The following RCOR1 variants were observed in gnomAD, a reference collection of about 807,000 sequenced individuals.
The protein encoded by RCOR1 is REST corepressor 1.
Under a neutral mutation model 64.0 loss-of-function variants are expected in RCOR1, and 12 were observed. The observed-to-expected ratio is 0.19, with a 90% CI of 0.12 to 0.30. RCOR1 has a LOEUF of 0.30. Ranked by LOEUF, RCOR1 falls within the 10% of genes least tolerant of loss-of-function variation. The pLI is 1.00. For missense variants in RCOR1, 502 were observed against 621.2 expected (o/e 0.81, Z 2.04); for synonymous variants, 279 against 227.2 (o/e 1.23, Z -2.05).
chr14:102,676,644 A>C (rs1368910038), intron 2 of RCOR1, among the ~76,000 whole-genome samples: 19 of 66,616 alleles, frequency 2.9e-4, no homozygotes, highest in Admixed American at 1.1e-3. Flanking sequence ...TGATCCCCCC[A>C]CCTCCCTCCC....
intron 2 of RCOR1, among the ~76,000 whole-genome samples, chr14:102,644,970 G>A (rs1894450636): frequency 1.3e-5 from 2 of 152,078 alleles, no homozygotes; most frequent in South Asian, 4.1e-4. Context: ...CTTAGCCTTT[G>A]TGCTTTCGGT....
At chr14:102,655,526 A>G (rs1161221500) in intron 2 of RCOR1, 12 of 965,676 alleles carry the variant, frequency 1.2e-5, no homozygotes, top group Non-Finnish European at 1.5e-5. Flanking sequence ...GTATCTATTA[A>G]TAGTTCAGAA....
chr14:102,698,241 A>AT (rs1467180866), intron 3 of RCOR1, among the ~76,000 whole-genome samples: 1 of 152,220 alleles, frequency 6.6e-6, no homozygotes, highest in Admixed American at 6.5e-5. Flanking sequence ...GTGTCTTAAA[A>AT]TTTGTAGCTA....
intron 2 of RCOR1, among the ~76,000 whole-genome samples, chr14:102,601,575 A>G (rs1213977743): frequency 6.6e-6 from 1 of 152,204 alleles, no homozygotes; most frequent in Non-Finnish European, 1.5e-5. Context: ...AAGAGAGGGA[A>G]GGAATGATGA....
At chr14:102,707,790 C>T (rs901706077) in intron 5 of RCOR1, among the ~76,000 whole-genome samples, 2 of 133,740 alleles carry the variant, frequency 1.5e-5, no homozygotes, top group Admixed American at 7.7e-5. Context: ...TAGACCCATA[C>T]GAAGGACTTT....
Position 102,688,839 on chromosome 14 carries a change from C to T in RCOR1, c.445+6861C>T, listed in dbSNP as rs558382200. 3.9e-5 allele frequency among the ~76,000 whole-genome samples: 6 copies of T among 152,274 alleles called. No individual in the cohort carries two copies. The South Asian group carries it at 1.2e-3, about 32-fold the overall frequency. On this transcript the variant is annotated intron_variant, in intron 3 of 11. Transcript: ENST00000262241. ...CCCCACTGTGATATTGTGCAGCCAC[C>T]CTTTGCATGGATTCCACACCCTACC...
intron 3 of RCOR1, among the ~76,000 whole-genome samples, chr14:102,688,241 T>C (rs572596878): frequency 6.6e-5 from 10 of 152,296 alleles, no homozygotes; most frequent in Admixed American, 2.0e-4. Flanking sequence ...GTTGGAATTA[T>C]AGGCGTGAGC....
intron 2 of RCOR1, among the ~76,000 whole-genome samples, chr14:102,631,883 C>G (rs759384399): frequency 1.1e-4 from 17 of 151,456 alleles, no homozygotes; most frequent in Admixed American, 8.6e-4. Context: ...TCACTGCAAC[C>G]TCTGCCTCCA....
At chr14:102,705,597 C>T (rs932878571) in intron 4 of RCOR1, among the ~76,000 whole-genome samples, 4 of 152,154 alleles carry the variant, frequency 2.6e-5, no homozygotes, top group African/African-American at 9.6e-5. Context: ...TACAGGCGCG[C>T]ACCACCATGC....
At chr14:102,599,807 TG>T (rs60527829) in intron 2 of RCOR1, among the ~76,000 whole-genome samples, 92,648 of 144,474 alleles carry the variant, frequency 0.64, 30,301 homozygotes, top group South Asian at 0.71. Context: ...TGTTTTGTTT[TG>T]TTTTTTTTTT....
At chr14:102,639,382 A>T (rs745500480) in intron 2 of RCOR1, among the ~76,000 whole-genome samples, 4 of 150,046 alleles carry the variant, frequency 2.7e-5, no homozygotes, top group Admixed American at 6.7e-5. Flanking sequence ...CTCCTACCTC[A>T]GCCTTCTCCT....
intron 2 of RCOR1, among the ~76,000 whole-genome samples, chr14:102,630,322 A>G (rs750296291): frequency 2.8e-4 from 43 of 152,274 alleles, no homozygotes; most frequent in East Asian, 1.9e-4. Context: ...AAGCAGCCTG[A>G]GGCTTTCACC....
intron 11 of RCOR1, among the ~76,000 whole-genome samples, chr14:102,725,377 T>A (rs1896238493): frequency 6.6e-6 from 1 of 151,960 alleles, no homozygotes; most frequent in Admixed American, 6.6e-5. Context: ...GGTCTGGGAG[T>A]CCTTTTTAAA....
intron 2 of RCOR1, chr14:102,659,447 T>C (rs1894789575): frequency 4.8e-6 from 1 of 209,536 alleles, no homozygotes; most frequent in South Asian, 1.7e-4. Flanking sequence ...AGTGGCAGAA[T>C]ACCAGGACAA....
chr14:102,701,390 T>C, intron 4 of RCOR1, 60 bp downstream of exon 4: 1 of 1,308,296 alleles, frequency 7.6e-7, no homozygotes, highest in Non-Finnish European at 1.0e-6. Context: ...ACTAAATAAT[T>C]ATATTTTTTT....
intron 2 of RCOR1, among the ~76,000 whole-genome samples, chr14:102,647,770 C>T (rs1331063608): frequency 6.6e-6 from 1 of 152,214 alleles, no homozygotes; most frequent in East Asian, 1.9e-4. Context: ...CCTCCGCCTC[C>T]CGGATTCAGG....
chr14:102,718,309 G>C (rs1896107390), intron 8 of RCOR1, among the ~76,000 whole-genome samples: 1 of 152,168 alleles, frequency 6.6e-6, no homozygotes, highest in Admixed American at 6.5e-5. Context: ...TAACCTGTCT[G>C]TCCCTTTTAG....
chr14:102,656,607 G>A lies in RCOR1; in HGVS notation c.362-25288G>A, dbSNP rs530991196. Among the ~76,000 whole-genome samples, 31 of 151,478 alleles carry A rather than the reference G, an allele frequency of 2.0e-4. No homozygotes were observed. In the East Asian group the frequency reaches 5.5e-3, roughly 27 times the overall value. On this transcript the variant is annotated intron_variant, in intron 2 of 11. Coordinates refer to ENST00000262241, the MANE Select transcript of RCOR1 (RefSeq NM_015156.4). ...TCCAGCCTCCTAGGTAACTGGGACT[G>A]CAGGCTTGCCACCATATACCTGGCT...
chr14:102,691,993 A>G (rs1199747482), intron 3 of RCOR1, among the ~76,000 whole-genome samples: 2 of 152,216 alleles, frequency 1.3e-5, no homozygotes, highest in Admixed American at 6.5e-5. Context: ...TTACACTGCT[A>G]CCAGCAAAAT....
Sources: gnomAD v4.1 joint callset for allele counts (sites outside exome capture counted in the v4.1 genomes callset) on GRCh38, gnomAD v4.1.1 for gene constraint, MANE v1.5 for transcripts, NCBI Gene and HGNC (gene_info 2026-07-23, HGNC 2026-07-21) for gene names.